The following SCAMP1 variants were observed in gnomAD, a reference collection of about 807,000 sequenced individuals.
The protein encoded by SCAMP1 is secretory carrier-associated membrane protein 1.
In SCAMP1, 15 loss-of-function variants were observed where a neutral mutation model predicts 41.8. That is an observed-to-expected ratio of 0.36 (90% CI 0.24 to 0.55). The LOEUF is 0.55. SCAMP1 is among the 20% of genes least tolerant of loss of function. The pLI is 0.86. For missense variants in SCAMP1, 341 were observed against 412.6 expected (o/e 0.83, Z 1.50); for synonymous variants, 135 against 136.8 (o/e 0.99, Z 0.09).
At chr5:78,458,838 C>T (rs1286656362) in intron 7 of SCAMP1, among the ~76,000 whole-genome samples, 1 of 152,124 alleles carries the variant, frequency 6.6e-6, no homozygotes, top group Non-Finnish European at 1.5e-5. Context: ...CGAGATCATG[C>T]CACTATACTG....
Position 78,479,676 on chromosome 5 carries a change from A to G in SCAMP1, c.*4008A>G, listed in dbSNP as rs1754088446. Reference sequence around the variant, plus strand: ...GGAAAATAGAGAAAGACTGTTCTCCAGTTTTCTCACCCCCGCTGTGGGTTT... The same window carrying G: ...GGAAAATAGAGAAAGACTGTTCTCCGGTTTTCTCACCCCCGCTGTGGGTTT... On this transcript the variant is annotated 3_prime_UTR_variant, in exon 9 of 9. Transcript: ENST00000621999. 6.6e-6 allele frequency among the ~76,000 whole-genome samples: 1 copy of G among 152,226 alleles called. No homozygotes were observed. The highest frequency in any genetic ancestry group is 6.5e-5 in the Admixed American group (1 of 15,278).
At chr5:78,433,009 A>G (rs1261946523) in intron 6 of SCAMP1, among the ~76,000 whole-genome samples, 5 of 151,978 alleles carry the variant, frequency 3.3e-5, no homozygotes, top group Non-Finnish European at 7.4e-5. Context: ...TTTGCTGAGT[A>G]TATTGGTGAG....
chr5:78,371,273 A>G (rs928009134), intron 1 of SCAMP1, among the ~76,000 whole-genome samples: 2 of 152,160 alleles, frequency 1.3e-5, no homozygotes, highest in African/African-American at 4.8e-5. Flanking sequence ...TGTTTTCTTC[A>G]AAGAGTTTTA....
At chr5:78,409,190 G>A (rs1390283434) in intron 2 of SCAMP1, among the ~76,000 whole-genome samples, 1 of 152,076 alleles carries the variant, frequency 6.6e-6, no homozygotes, top group East Asian at 1.9e-4. Context: ...TATCAAGGCT[G>A]TTCTTTCTTT....
chr5:78,465,956 C>A (rs1315599360), intron 8 of SCAMP1, among the ~76,000 whole-genome samples: 1 of 152,116 alleles, frequency 6.6e-6, no homozygotes, highest in Non-Finnish European at 1.5e-5. Context: ...AGGCAGATGC[C>A]GATTACATCT....
chr5:78,447,210 A>G (rs1386272972), intron 6 of SCAMP1, among the ~76,000 whole-genome samples: 1 of 152,202 alleles, frequency 6.6e-6, no homozygotes, highest in African/African-American at 2.4e-5. Context: ...CCTGGTGCCA[A>G]AAAGGTTGGG....
chr5:78,444,484 A>G (rs1753007020), intron 6 of SCAMP1, among the ~76,000 whole-genome samples: 1 of 152,190 alleles, frequency 6.6e-6, no homozygotes, highest in South Asian at 2.1e-4. Context: ...TGCCCCCATG[A>G]TTCAGTTACT....
chr5:78,402,196 GTT>G (rs1293261771), intron 2 of SCAMP1, among the ~76,000 whole-genome samples: 40 of 129,286 alleles, frequency 3.1e-4, no homozygotes, highest in African/African-American at 1.1e-3. Context: ...TACTATATTT[GTT>G]TTTTTTTTTT....
At chr5:78,453,403 T>C (rs1753295680) in intron 7 of SCAMP1, among the ~76,000 whole-genome samples, 1 of 151,564 alleles carries the variant, frequency 6.6e-6, no homozygotes, top group Non-Finnish European at 1.5e-5. Flanking sequence ...TTTCTACATA[T>C]GGCTAGCCAG....
chr5:78,458,758 T>C (rs542786595), intron 7 of SCAMP1, among the ~76,000 whole-genome samples: 1 of 152,058 alleles, frequency 6.6e-6, no homozygotes, highest in Non-Finnish European at 1.5e-5. Context: ...CACGCACCTG[T>C]AATCCCAGCT....
chr5:78,415,281 A>G lies in SCAMP1; in HGVS notation c.136-239A>G, dbSNP rs139486527. Among the ~76,000 whole-genome samples the G allele has an allele frequency of 1.2e-3, 184 of 152,128 alleles. 1 individual carries two copies. The highest frequency in any genetic ancestry group is 4.2e-3 in the African/African-American group (174 of 41,502). On this transcript the variant is annotated intron_variant, in intron 2 of 8. Coordinates refer to ENST00000621999, the MANE Select transcript of SCAMP1 (RefSeq NM_004866.6). ...ATTAACATACGGTATCCTGGAGGAGAGTGTTTGTCATATAGTGTTATAAGT... is the reference window on the plus strand; with the variant it reads ...ATTAACATACGGTATCCTGGAGGAGGGTGTTTGTCATATAGTGTTATAAGT...
intron 2 of SCAMP1, among the ~76,000 whole-genome samples, chr5:78,405,667 G>T (rs183379751): frequency 5.3e-5 from 8 of 152,240 alleles, no homozygotes; most frequent in Admixed American, 4.6e-4. Context: ...ATGGGAGTAG[G>T]GGTGTTTGCC....
Position 78,475,610 on chromosome 5 carries a change from C to A in SCAMP1, c.959C>A (p.Ala320Glu), listed in dbSNP as rs1234088647. The A allele has an allele frequency of 1.2e-6, 2 of 1,605,420 alleles. No homozygotes were observed. The highest frequency in any genetic ancestry group is 2.2e-5 in the South Asian group (2 of 89,550). The change falls in exon 9 of 9, where the codon GCA (alanine) becomes GAA (glutamate). Residue 320 changes from alanine to glutamate, a missense_variant. Coordinates refer to ENST00000621999, the MANE Select transcript of SCAMP1 (RefSeq NM_004866.6). ...NKTVQTAAAN[A>E]ASTAASSAAQ... ...ACTGTCCAGACCGCAGCTGCAAATG[C>A]AGCTTCAACTGCAGCATCTAGTGCA...
chr5:78,423,290 G>A (rs141608914), intron 6 of SCAMP1, among the ~76,000 whole-genome samples: 1 of 152,318 alleles, frequency 6.6e-6, no homozygotes, highest in African/African-American at 2.4e-5. Context: ...TGGTTGCCAA[G>A]GAACGGGGAG....
chr5:78,452,008 A>C, intron 7 of SCAMP1, among the ~76,000 whole-genome samples: 1 of 152,170 alleles, frequency 6.6e-6, no homozygotes, highest in East Asian at 1.9e-4. Flanking sequence ...CAGGTTATTT[A>C]ACTGTTCACC....
At chr5:78,366,458 T>A (rs1044247142) in intron 1 of SCAMP1, among the ~76,000 whole-genome samples, 1 of 152,062 alleles carries the variant, frequency 6.6e-6, no homozygotes, top group South Asian at 2.1e-4. Context: ...GGTCCTTTTT[T>A]TAATAGGGAT....
intron 1 of SCAMP1, among the ~76,000 whole-genome samples, chr5:78,382,081 C>G (rs958836554): frequency 9.2e-5 from 14 of 152,154 alleles, no homozygotes; most frequent in Non-Finnish European, 1.9e-4. Context: ...CCAGCAGAAG[C>G]AGTATCACCT....
chr5:78,373,960 A>T (rs1025337087), intron 1 of SCAMP1, among the ~76,000 whole-genome samples: 6 of 152,142 alleles, frequency 3.9e-5, no homozygotes, highest in Admixed American at 2.0e-4. Context: ...ATTTTATATA[A>T]TTACTGTGAC....
intron 1 of SCAMP1, among the ~76,000 whole-genome samples, chr5:78,380,221 A>G (rs901796752): frequency 2.0e-5 from 3 of 152,170 alleles, no homozygotes; most frequent in African/African-American, 7.2e-5. Flanking sequence ...ATTTATATAT[A>G]TTTAGGTTGC....
Sources: gnomAD v4.1 joint callset for allele counts (sites outside exome capture counted in the v4.1 genomes callset) on GRCh38, gnomAD v4.1.1 for gene constraint, MANE v1.5 for transcripts, NCBI Gene and HGNC (gene_info 2026-07-23, HGNC 2026-07-21) for gene names.